BABAM2: variants seen among roughly 807,000 people sequenced by gnomAD.
The protein encoded by BABAM2 is BRISC and BRCA1 A complex member 2.
A neutral mutation model predicts 54.7 loss-of-function variants in BABAM2; 31 were observed. That is an observed-to-expected ratio of 0.57 (90% confidence interval 0.43 to 0.77). The LOEUF (loss-of-function observed/expected upper bound fraction) is 0.77, where lower values mean the gene tolerates loss of function less well. Among genes scored for constraint, BABAM2 ranks in the 30% least tolerant of loss-of-function variants. The pLI is 0.00. For missense variants in BABAM2, 364 were observed against 455.8 expected (o/e 0.80, Z 1.83); for synonymous variants, 167 against 162.9 (o/e 1.03, Z -0.19).
At chr2:28,047,991 CT>C (rs1458633816) in intron 6 of BABAM2, among the ~76,000 whole-genome samples, 13 of 152,194 alleles carry the variant, frequency 8.5e-5, no homozygotes, top group Non-Finnish European at 1.6e-4. Flanking sequence ...TTAGGAGCTG[CT>C]TTACATATTA....
chr2:27,991,601 G>T (rs1468869449), intron 4 of BABAM2, among the ~76,000 whole-genome samples: 1 of 152,108 alleles, frequency 6.6e-6, no homozygotes, highest in Non-Finnish European at 1.5e-5. Context: ...TCTGCATTTT[G>T]TCTCTATGGA....
Position 27,921,782 on chromosome 2 carries a change from A to G in BABAM2, c.129-8050A>G, listed in dbSNP as rs146781550. ...TGTGGAAATATAATAATTATAGGTAATAACTTAAAGTTTAAATTCTGAGTT... is the reference window on the plus strand; with the variant it reads ...TGTGGAAATATAATAATTATAGGTAGTAACTTAAAGTTTAAATTCTGAGTT... On this transcript the variant is annotated intron_variant, in intron 2 of 11. Coordinates refer to ENST00000379624, the MANE Select transcript of BABAM2 (RefSeq NM_199191.3). Among the ~76,000 whole-genome samples, 4 of 152,358 alleles carry G rather than the reference A, an allele frequency of 2.6e-5. No individual in the cohort carries two copies. The East Asian group carries it at 7.7e-4, about 29-fold the overall frequency.
At chr2:28,003,500 G>A (rs1197049993) in intron 4 of BABAM2, among the ~76,000 whole-genome samples, 1 of 152,138 alleles carries the variant, frequency 6.6e-6, no homozygotes, top group East Asian at 1.9e-4. Flanking sequence ...TAAAGTGGGA[G>A]AATCGTTTGA....
At chr2:28,332,369 T>G (rs756653201) in intron 11 of BABAM2, among the ~76,000 whole-genome samples, 2 of 151,898 alleles carry the variant, frequency 1.3e-5, no homozygotes, top group Non-Finnish European at 2.9e-5. Flanking sequence ...CACAAAAGGG[T>G]TAAGTGGCTT....
intron 11 of BABAM2, among the ~76,000 whole-genome samples, chr2:28,319,512 C>G (rs1689845683): frequency 6.6e-6 from 1 of 152,244 alleles, no homozygotes; most frequent in Admixed American, 6.5e-5. Context: ...CTGTGGGGTT[C>G]CCTCAGGGTT....
chr2:28,091,467 G>T (rs902268311), intron 6 of BABAM2, among the ~76,000 whole-genome samples: 8 of 152,134 alleles, frequency 5.3e-5, no homozygotes, highest in African/African-American at 2.4e-5. Context: ...TGACACTGGA[G>T]AACTCATTTC....
intron 10 of BABAM2, among the ~76,000 whole-genome samples, chr2:28,264,971 C>T (rs1472596890): frequency 6.6e-6 from 1 of 152,090 alleles, no homozygotes; most frequent in Non-Finnish European, 1.5e-5. Flanking sequence ...TTGAAACAAC[C>T]CAGACTTAAC....
chr2:27,988,757 A>G (rs573029124), intron 4 of BABAM2, among the ~76,000 whole-genome samples: 3 of 152,222 alleles, frequency 2.0e-5, no homozygotes, highest in Non-Finnish European at 4.4e-5. Flanking sequence ...AGAAAAACAC[A>G]TGCCATTTTG....
intron 6 of BABAM2, among the ~76,000 whole-genome samples, chr2:28,110,629 A>AAAAT (rs1274675900): frequency 6.6e-6 from 1 of 152,066 alleles, no homozygotes; most frequent in Non-Finnish European, 1.5e-5. Flanking sequence ...ATCTCAAAAA[A>AAAAT]AAATAAATAA....
At position 27,929,813 on chromosome 2, in the gene BABAM2, GT is replaced by G; in HGVS notation, c.129-16del. On this transcript the variant is annotated intron_variant, in intron 2 of 11. Transcript: ENST00000379624. Reference sequence around the variant, plus strand: ...TTTTAAAAAATCTTTTCTTTCTTCTGTTTCTGCATTTTTTAAAGCTGCACAT... The same window carrying G: ...TTTTAAAAAATCTTTTCTTTCTTCTGTTCTGCATTTTTTAAAGCTGCACAT... 6.2e-7 allele frequency: 1 copy of G among 1,608,366 alleles called. No homozygotes were observed. The highest frequency in any genetic ancestry group is 1.1e-5 in the South Asian group (1 of 90,500).
At chr2:28,220,121 A>C (rs1220091003) in intron 7 of BABAM2, among the ~76,000 whole-genome samples, 4 of 152,210 alleles carry the variant, frequency 2.6e-5, no homozygotes, top group Non-Finnish European at 5.9e-5. Context: ...ACACACCAGC[A>C]AAACGAACTG....
intron 1 of BABAM2, among the ~76,000 whole-genome samples, chr2:27,893,324 A>C (rs1218360473): frequency 6.6e-6 from 1 of 152,186 alleles, no homozygotes; most frequent in Non-Finnish European, 1.5e-5. Flanking sequence ...TGTGGTTTTA[A>C]GTGTAAGGAC....
intron 7 of BABAM2, among the ~76,000 whole-genome samples, chr2:28,229,228 G>A (rs1681154875): frequency 6.6e-6 from 1 of 152,178 alleles, no homozygotes; most frequent in African/African-American, 2.4e-5. Context: ...TAAGAGTGGG[G>A]TAGATTTAAG....
chr2:28,203,345 T>G (rs908655346), intron 7 of BABAM2, among the ~76,000 whole-genome samples: 1 of 152,214 alleles, frequency 6.6e-6, no homozygotes, highest in Non-Finnish European at 1.5e-5. Flanking sequence ...TAGCTACATA[T>G]GTCAATCATG....
intron 4 of BABAM2, among the ~76,000 whole-genome samples, chr2:28,018,470 G>A (rs1436402228): frequency 6.6e-6 from 1 of 152,186 alleles, no homozygotes; most frequent in Non-Finnish European, 1.5e-5. Context: ...AAGCATGCAT[G>A]TGTAAGTATC....
Position 28,025,399 on chromosome 2 carries a change from T to C in BABAM2, c.474T>C (p.Tyr158=), listed in dbSNP as rs746724939. The C allele has an allele frequency of 1.9e-6, 3 of 1,572,446 alleles. No individual in the cohort carries two copies. The highest frequency in any genetic ancestry group is 1.7e-6 in the Non-Finnish European group (2 of 1,167,964). Reference sequence around the variant, plus strand: ...AGTATGGAGAGAACATGGAAATTTATGCTGGGAAAAAAAACAACTGGGTAA... The same window carrying C: ...AGTATGGAGAGAACATGGAAATTTACGCTGGGAAAAAAAACAACTGGGTAA... ...EPQYGENMEI[Y]AGKKNNWTGE... The change falls in exon 5 of 12, where the codon TAT becomes TAC. Residue 158 remains tyrosine, a synonymous_variant. Transcript: ENST00000379624.
intron 4 of BABAM2, among the ~76,000 whole-genome samples, chr2:28,020,984 C>CACACACACACACAA (rs1279615929): frequency 6.6e-6 from 1 of 151,752 alleles, no homozygotes; most frequent in South Asian, 2.1e-4. Flanking sequence ...CACACACACA[C>CACACACACACACAA]ACACACAAAC....
At chr2:28,267,201 G>A (rs1685054058) in intron 10 of BABAM2, among the ~76,000 whole-genome samples, 1 of 152,036 alleles carries the variant, frequency 6.6e-6, no homozygotes, top group African/African-American at 2.4e-5. Flanking sequence ...AAGATCCTAT[G>A]TACCCTTCAC....
At chr2:28,039,578 A>G (rs929793318) in intron 5 of BABAM2, among the ~76,000 whole-genome samples, 1 of 152,226 alleles carries the variant, frequency 6.6e-6, no homozygotes, top group African/African-American at 2.4e-5. Flanking sequence ...AGAGCAGTCA[A>G]TTTCAGATAA....
Sources: gnomAD v4.1 joint callset for allele counts (sites outside exome capture counted in the v4.1 genomes callset) on GRCh38, gnomAD v4.1.1 for gene constraint, MANE v1.5 for transcripts, NCBI Gene and HGNC (gene_info 2026-07-23, HGNC 2026-07-21) for gene names.